BANP: variants seen among roughly 807,000 people sequenced by gnomAD.
The protein encoded by BANP is protein BANP.
BANP carries 11 observed loss-of-function variants against 68.1 expected under a neutral mutation model. The observed-to-expected ratio is 0.16, with a 90% CI of 0.10 to 0.27. The LOEUF (loss-of-function observed/expected upper bound fraction) is 0.27. Among genes scored for constraint, BANP ranks in the 10% least tolerant of loss-of-function variants. The pLI, the probability that BANP is intolerant of heterozygous loss-of-function variation, is 1.00. For synonymous variants in BANP, 329 were observed against 303.2 expected (o/e 1.09, Z -0.88); for missense variants, 504 against 722.7 (o/e 0.70, Z 3.47).
At chr16:88,062,819 A>C (rs1239399048) in intron 11 of BANP, among the ~76,000 whole-genome samples, 1 of 152,246 alleles carries the variant, frequency 6.6e-6, no homozygotes, top group Non-Finnish European at 1.5e-5. Flanking sequence ...AATTCGGCCC[A>C]GCCTGCTCTA....
intron 11 of BANP, among the ~76,000 whole-genome samples, chr16:88,051,256 A>T (rs1174210262): frequency 6.6e-6 from 1 of 152,174 alleles, no homozygotes; most frequent in Non-Finnish European, 1.5e-5. Flanking sequence ...CCCTTGAGGG[A>T]TGGGGCAAAA....
chr16:88,020,253 G>A (rs970672903), intron 7 of BANP, among the ~76,000 whole-genome samples: 1 of 152,230 alleles, frequency 6.6e-6, no homozygotes, highest in Non-Finnish European at 1.5e-5. Context: ...AGCCACAGAC[G>A]AGGAGTCAGC....
Position 87,989,922 on chromosome 16 carries a change from CCAGGACA to C in BANP, c.362+5675_362+5681del, listed in dbSNP as rs1195863170. 2.6e-3 allele frequency among the ~76,000 whole-genome samples: 382 copies of C among 144,772 alleles called. 3 individuals are homozygous for C. The highest frequency in any genetic ancestry group is 9.3e-3 in the African/African-American group (359 of 38,530). The allele number at this position is 144,772 out of a possible 152,430, so 95.0% of individuals were successfully genotyped here. ...TGCAGGCCCGCGTGGCTGCGCACATCCAGGACACAGGACACAGGGCGGGCGACAGGGG... is the reference window on the plus strand; with the variant it reads ...TGCAGGCCCGCGTGGCTGCGCACATCCAGGACACAGGGCGGGCGACAGGGG... On this transcript the variant is annotated intron_variant, in intron 4 of 13. Coordinates refer to ENST00000682872, the MANE Select transcript of BANP (RefSeq NM_001386991.1).
intron 8 of BANP, among the ~76,000 whole-genome samples, chr16:88,032,264 C>G (rs1388548640): frequency 6.6e-6 from 1 of 151,768 alleles, no homozygotes; most frequent in Non-Finnish European, 1.5e-5. Context: ...TGTAGTGGTG[C>G]CATTTCGACT....
At chr16:88,074,295 C>T (rs1452179076) in intron 13 of BANP, among the ~76,000 whole-genome samples, 1 of 152,194 alleles carries the variant, frequency 6.6e-6, no homozygotes, top group Non-Finnish European at 1.5e-5. Flanking sequence ...TCTAGGAAAA[C>T]CTGTGGCTCA....
intron 11 of BANP, among the ~76,000 whole-genome samples, chr16:88,041,724 A>G (rs1209656421): frequency 3.9e-5 from 6 of 152,114 alleles, no homozygotes; most frequent in South Asian, 2.1e-4. Flanking sequence ...GTGCGCGCTT[A>G]CATCTGGTGC....
At chr16:88,028,648 CTT>C (rs1181359561) in intron 8 of BANP, among the ~76,000 whole-genome samples, 2 of 151,286 alleles carry the variant, frequency 1.3e-5, no homozygotes, top group African/African-American at 4.8e-5. Flanking sequence ...TGCCTTGGGA[CTT>C]GAGAGAGGTA....
At chr16:88,042,012 G>A (rs1414039182) in intron 11 of BANP, among the ~76,000 whole-genome samples, 1 of 152,144 alleles carries the variant, frequency 6.6e-6, no homozygotes, top group African/African-American at 2.4e-5. Context: ...GCAGTAGGAG[G>A]GTGAGAGACA....
chr16:87,977,687 T>C (rs940324075), intron 2 of BANP, among the ~76,000 whole-genome samples: 87 of 152,362 alleles, frequency 5.7e-4, no homozygotes, highest in African/African-American at 2.0e-3. Flanking sequence ...GACGTGTATG[T>C]CTTTCCAATT....
intron 11 of BANP, among the ~76,000 whole-genome samples, chr16:88,038,604 C>G (rs905521279): frequency 2.6e-5 from 4 of 152,102 alleles, no homozygotes; most frequent in African/African-American, 9.7e-5. Flanking sequence ...AACTCACAAA[C>G]TTGCCAGCTT....
chr16:88,019,658 TCC>T (rs2152675884), intron 7 of BANP, among the ~76,000 whole-genome samples: 1 of 45,182 alleles, frequency 2.2e-5, no homozygotes, highest in African/African-American at 1.1e-4. Context: ...GGGCGGGGCG[TCC>T]GGGATCTCAG....
intron 1 of BANP, among the ~76,000 whole-genome samples, chr16:87,971,198 T>C (rs1363921177): frequency 1.3e-5 from 2 of 152,238 alleles, no homozygotes; most frequent in Non-Finnish European, 2.9e-5. Context: ...GTTTTTTATA[T>C]GTACTCCCAA....
chr16:88,009,565 C>T (rs979660742), intron 6 of BANP, among the ~76,000 whole-genome samples: 2 of 152,152 alleles, frequency 1.3e-5, no homozygotes, highest in African/African-American at 4.8e-5. Flanking sequence ...TCATTACACA[C>T]GCTCCACTGG....
chr16:88,036,190 T>C lies in BANP; in HGVS notation c.1272+796T>C, dbSNP rs886469178. Among the ~76,000 whole-genome samples, 1 of 152,208 alleles carries C rather than the reference T, an allele frequency of 6.6e-6. No individual in the cohort carries two copies. Among genetic ancestry groups the C allele is most frequent in the African/African-American group, 2.4e-5 (1 of 41,454 alleles). On this transcript the variant is annotated intron_variant, in intron 10 of 13. Coordinates refer to ENST00000682872, the MANE Select transcript of BANP (RefSeq NM_001386991.1). The surrounding 1 kb of genome is among the most constrained non-coding windows in gnomAD (Gnocchi z 4.2). ...TGTACTCAGTGACCGTGGTGCGCTC[T>C]GGGGGATGAGGAACATGGCTGTTTC...
intron 2 of BANP, chr16:87,980,530 G>T (rs781074020): frequency 1.3e-5 from 2 of 159,532 alleles, no homozygotes; most frequent in Non-Finnish European, 2.7e-5. Context: ...GAGGGTCGGG[G>T]TTCTGTCACT....
chr16:88,037,123 A>G (rs1361180716), intron 10 of BANP: 1 of 152,238 alleles, frequency 6.6e-6, no homozygotes, highest in Non-Finnish European at 1.5e-5. Flanking sequence ...CCTTAGAGTC[A>G]TTGAAAATGC....
chr16:87,971,256 G>GCCTTGCATGCTGTT (rs11267822), intron 1 of BANP, among the ~76,000 whole-genome samples: 52,967 of 151,834 alleles, frequency 0.35, 10,489 homozygotes, highest in Non-Finnish European at 0.47. Context: ...TTAGCACATA[G>GCCTTGCATGCTGTT]CCTTCATCTC....
chr16:87,949,954 T>A (rs367775341), upstream of BANP, among the ~76,000 whole-genome samples: 1 of 151,028 alleles, frequency 6.6e-6, no homozygotes. Context: ...CTCGGCTCAC[T>A]GCAAGCTCCG....
At chr16:88,019,389 C>T (rs187418425) in intron 7 of BANP, among the ~76,000 whole-genome samples, 223 of 152,050 alleles carry the variant, frequency 1.5e-3, no homozygotes, top group African/African-American at 5.1e-3. Flanking sequence ...GCAAGAGACA[C>T]GAGGCCCCTG....
Sources: allele counts gnomAD v4.1 joint callset (sites outside exome capture counted in the v4.1 genomes callset), GRCh38; gene constraint gnomAD v4.1.1; non-coding constraint Gnocchi (gnomAD v3.1); transcripts MANE v1.5; gene names NCBI Gene and HGNC (gene_info 2026-07-23, HGNC 2026-07-21).